The following PACRG variants were observed in gnomAD, a reference collection of about 807,000 sequenced individuals.
PACRG encodes parkin coregulated.
In PACRG, 29 loss-of-function variants were observed where a neutral mutation model predicts 29.7. That is an observed-to-expected ratio of 0.98 (90% CI 0.73 to 1.33). The LOEUF (loss-of-function observed/expected upper bound fraction) is 1.33. Ranked by LOEUF, PACRG falls within the 40% of genes most tolerant of loss-of-function variation. The pLI, the probability that PACRG is intolerant of heterozygous loss-of-function variation, is 0.00. For synonymous variants in PACRG, 116 were observed against 118.7 expected, an observed-to-expected ratio of 0.98 and a Z score of 0.15; for missense variants, 279 against 316.2, an observed-to-expected ratio of 0.88 and a Z score of 0.89.
At chr6:163,053,807 A>G (rs1159815690) in intron 2 of PACRG, 1 of 152,198 alleles carries the variant, frequency 6.6e-6, no homozygotes, top group East Asian at 1.9e-4. Context: ...TATCCTAGGC[A>G]CAGCCACTCA....
At chr6:162,978,293 AT>A (rs760784579) in intron 2 of PACRG, among the ~76,000 whole-genome samples, 1 of 152,248 alleles carries the variant, frequency 6.6e-6, no homozygotes, top group Non-Finnish European at 1.5e-5. Flanking sequence ...AACAGATTAA[AT>A]TTGTGTTTAC....
chr6:162,825,237 A>ATTATG, intron 2 of PACRG, among the ~76,000 whole-genome samples: 1 of 152,150 alleles, frequency 6.6e-6, no homozygotes, highest in East Asian at 1.9e-4. Flanking sequence ...TTTGAAAAAA[A>ATTATG]TTATGTTTTT....
chr6:163,156,709 G>T (rs769479079), intron 4 of PACRG, among the ~76,000 whole-genome samples: 3 of 152,202 alleles, frequency 2.0e-5, no homozygotes, highest in Admixed American at 1.3e-4. Context: ...TAAAATCGAG[G>T]TATCTACAGA....
intron 2 of PACRG, among the ~76,000 whole-genome samples, chr6:162,967,640 G>A (rs1801156423): frequency 6.6e-6 from 1 of 151,774 alleles, no homozygotes; most frequent in South Asian, 2.1e-4. Context: ...CCAAGTAGCT[G>A]GGACTACAGG....
At chr6:162,865,023 T>C (rs1792178692) in intron 2 of PACRG, among the ~76,000 whole-genome samples, 1 of 152,222 alleles carries the variant, frequency 6.6e-6, no homozygotes, top group Non-Finnish European at 1.5e-5. Flanking sequence ...GTTCGGAGTT[T>C]GCAGAACCTC....
chr6:163,255,363 C>G (rs955081079), intron 4 of PACRG, among the ~76,000 whole-genome samples: 3 of 152,158 alleles, frequency 2.0e-5, no homozygotes, highest in African/African-American at 7.2e-5. Context: ...TGACCTGAAT[C>G]CAGGTACCTT....
chr6:163,175,744 AAGG>A (rs3061922), intron 4 of PACRG, among the ~76,000 whole-genome samples: 2,161 of 136,882 alleles, frequency 0.016, 72 homozygotes, highest in African/African-American at 0.056. Context: ...GCACCTGTCA[AAGG>A]AGGAGGAGGA....
At chr6:163,191,011 T>G in intron 4 of PACRG, 1 of 451,448 alleles carries the variant, frequency 2.2e-6, no homozygotes, top group Admixed American at 2.4e-5. Context: ...TATTTAGCAT[T>G]TATTAGAATA....
chr6:162,786,232 G>A (rs1784457868), intron 1 of PACRG, among the ~76,000 whole-genome samples: 1 of 152,196 alleles, frequency 6.6e-6, no homozygotes, highest in Admixed American at 6.5e-5. Context: ...CAGTGCCTGG[G>A]TGGGATTGTG....
chr6:163,180,319 T>A (rs1419940366), intron 4 of PACRG, among the ~76,000 whole-genome samples: 1 of 152,218 alleles, frequency 6.6e-6, no homozygotes, highest in African/African-American at 2.4e-5. Flanking sequence ...ACAAGTATGT[T>A]CGTTAAAATA....
chr6:163,131,233 G>A (rs547116591), intron 4 of PACRG, among the ~76,000 whole-genome samples: 39 of 149,408 alleles, frequency 2.6e-4, no homozygotes, highest in African/African-American at 4.8e-4. Context: ...GCGTGAACCC[G>A]GGAGGCGTAG....
chr6:162,988,035 C>T (rs909180709), intron 2 of PACRG, among the ~76,000 whole-genome samples: 2 of 152,108 alleles, frequency 1.3e-5, no homozygotes, highest in African/African-American at 4.8e-5. Context: ...GTTTTGCACC[C>T]GTCTCATGGA....
At chr6:163,022,607 A>G (rs1336245490) in intron 2 of PACRG, among the ~76,000 whole-genome samples, 1 of 152,256 alleles carries the variant, frequency 6.6e-6, no homozygotes, top group Non-Finnish European at 1.5e-5. Context: ...AGCAGGCGAC[A>G]TGCCAATTTT....
chr6:163,200,833 G>A (rs1174959629), intron 4 of PACRG, among the ~76,000 whole-genome samples: 1 of 152,356 alleles, frequency 6.6e-6, no homozygotes, highest in East Asian at 1.9e-4. Flanking sequence ...TCCAGGCTGA[G>A]GCAGGATGCT....
intron 4 of PACRG, among the ~76,000 whole-genome samples, chr6:163,177,041 A>G (rs1037118394): frequency 1.2e-4 from 19 of 152,098 alleles, no homozygotes; most frequent in African/African-American, 4.3e-4. Flanking sequence ...CAGCCTGGAG[A>G]CTGTTGCTGT....
At chr6:163,245,184 G>T in intron 4 of PACRG, 1 of 335,746 alleles carries the variant, frequency 3.0e-6, no homozygotes, top group Non-Finnish European at 6.0e-6. Flanking sequence ...TTTTCCCCTA[G>T]GATGTTCTAC....
intron 1 of PACRG, among the ~76,000 whole-genome samples, chr6:162,749,141 G>A (rs1179938182): frequency 6.6e-6 from 1 of 152,100 alleles, no homozygotes; most frequent in Non-Finnish European, 1.5e-5. Flanking sequence ...CCATTTATAT[G>A]GATATAGCAT....
At chr6:163,091,941 A>T (rs1019491020) in intron 4 of PACRG, among the ~76,000 whole-genome samples, 6 of 152,214 alleles carry the variant, frequency 3.9e-5, no homozygotes, top group Non-Finnish European at 7.4e-5. Context: ...TAGCAGTAGA[A>T]AAAACTCATC....
rs1308622693 is a variant in PACRG at position 163,315,295 on chromosome 6, A to G, written c.*308A>G. 9.2e-6 allele frequency: 2 copies of G among 216,224 alleles called. No individual in the cohort carries two copies. Among genetic ancestry groups the G allele is most frequent in the Non-Finnish European group, 1.8e-5 (2 of 109,240 alleles). The allele number at this position is 216,224 out of a possible 1,614,324, so 13.4% of individuals were successfully genotyped here. ...CCTTCAGTTGTATAGACAATAAACT[A>G]TAATTTTCATATGCAATTCAGCAAT... On this transcript the variant is annotated 3_prime_UTR_variant, in exon 5 of 5. Transcript: ENST00000366888.
Sources: gnomAD v4.1 joint callset for allele counts (sites outside exome capture counted in the v4.1 genomes callset) on GRCh38, gnomAD v4.1.1 for gene constraint, MANE v1.5 for transcripts, NCBI Gene and HGNC (gene_info 2026-07-23, HGNC 2026-07-21) for gene names.